RTTN: variants seen among roughly 807,000 people sequenced by gnomAD.
RTTN encodes rotatin.
A neutral mutation model predicts 269.2 loss-of-function variants in RTTN; 182 were observed. The ratio of observed to expected loss-of-function variants is 0.68; its 90% CI spans 0.60 to 0.76. The LOEUF is 0.76. Ranked by LOEUF, RTTN falls within the 30% of genes least tolerant of loss-of-function variation. The probability of loss-of-function intolerance (pLI) is 0.00; values close to 1 mark genes in which losing one functional copy is unlikely to be tolerated. For missense variants in RTTN, 2,545 were observed against 2,608.6 expected (o/e 0.98, Z 0.53); for synonymous variants, 1,006 against 963.5 (o/e 1.04, Z -0.82).
At chr18:70,018,454 A>G (rs1337536238) in intron 45 of RTTN, among the ~76,000 whole-genome samples, 3 of 152,322 alleles carry the variant, frequency 2.0e-5, no homozygotes, top group South Asian at 2.1e-4. Context: ...ATGAAATGCA[A>G]TCACTTAACT....
At chr18:70,165,209 T>C (rs772339979) in intron 14 of RTTN, among the ~76,000 whole-genome samples, 1 of 152,040 alleles carries the variant, frequency 6.6e-6, no homozygotes, top group Non-Finnish European at 1.5e-5. Context: ...TCAAACTTAA[T>C]AGCAGTTAAG....
intron 28 of RTTN, among the ~76,000 whole-genome samples, chr18:70,100,492 G>C (rs1403366905): frequency 3.3e-5 from 5 of 152,180 alleles, no homozygotes; most frequent in Non-Finnish European, 7.3e-5. Context: ...AGACGATGGG[G>C]TTTTCTAAAT....
intron 44 of RTTN, among the ~76,000 whole-genome samples, chr18:70,023,001 G>T (rs1050072099): frequency 6.6e-6 from 1 of 152,166 alleles, no homozygotes; most frequent in Admixed American, 6.5e-5. Context: ...GATGGTCCCA[G>T]TGGCGCCTGC....
intron 14 of RTTN, among the ~76,000 whole-genome samples, chr18:70,159,484 G>C (rs1200666329): frequency 6.6e-6 from 1 of 152,136 alleles, no homozygotes; most frequent in Non-Finnish European, 1.5e-5. Flanking sequence ...ATATGAAGAA[G>C]TTAGAAAGAT....
rs746111227 is a variant in RTTN at position 70,031,043 on chromosome 18, G to A, written c.5542-62C>T. ...ATTTAATCTGGAGCAAAACTGTTGT[G>A]AATAAAGAACATTTTCTACTTAAAA... On this transcript the variant is annotated intron_variant, in intron 40 of 48. Transcript: ENST00000640769. 874 of 1,112,360 alleles carry A rather than the reference G, an allele frequency of 7.9e-4. 1 individual carries two copies. The highest frequency in any genetic ancestry group is 1.0e-3 in the Non-Finnish European group (798 of 760,730). The allele number at this position is 1,112,360 out of a possible 1,614,324, so 68.9% of individuals were successfully genotyped here. A position where few individuals can be genotyped will look rare whatever the true frequency, so the allele number is the denominator to read the frequency against.
chr18:70,093,374 T>G (rs942935083), intron 28 of RTTN, among the ~76,000 whole-genome samples: 2 of 152,206 alleles, frequency 1.3e-5, no homozygotes, highest in Non-Finnish European at 2.9e-5. Flanking sequence ...ATGAATAATT[T>G]GTGCTGGTTT....
Position 70,060,112 on chromosome 18 carries a change from T to C in RTTN, c.4748-70A>G, listed in dbSNP as rs73964489. On this transcript the variant is annotated intron_variant, in intron 35 of 48. Coordinates refer to ENST00000640769, the MANE Select transcript of RTTN (RefSeq NM_173630.4). ...TATGTACAATACTCAAAAGTTCTTA[T>C]AATCATAGGAAAGTTCCTGAAAATG... The C allele has an allele frequency of 0.045, 57,011 of 1,268,002 alleles. 1,609 individuals are homozygous for C. Among genetic ancestry groups the C allele is most frequent in the African/African-American group, 0.1 (6,622 of 65,960 alleles). 78.5% of individuals were successfully genotyped at this position (1,268,002 alleles called of 1,614,324 possible).
intron 3 of RTTN, among the ~76,000 whole-genome samples, chr18:70,203,578 T>G (rs1268935886): frequency 1.3e-5 from 2 of 152,156 alleles, no homozygotes; most frequent in African/African-American, 4.8e-5. Context: ...GTCACACAAC[T>G]AGCAGCAGAA....
intron 12 of RTTN, 105 bp from the exon 13 acceptor site, chr18:70,167,136 G>A (rs2061008473): frequency 8.4e-6 from 6 of 713,124 alleles, no homozygotes; most frequent in Non-Finnish European, 1.2e-5. Flanking sequence ...CAGAGACCAT[G>A]AGACTGTTTA....
intron 32 of RTTN, among the ~76,000 whole-genome samples, chr18:70,076,071 A>G (rs139912013): frequency 2.0e-5 from 3 of 152,174 alleles, no homozygotes; most frequent in African/African-American, 7.2e-5. Context: ...ACACACATGT[A>G]TACATACACA....
At position 70,145,721 on chromosome 18, in the gene RTTN, G is replaced by C. The variant is rs1319967664; in HGVS notation, c.2372C>G (p.Thr791Arg). 1.2e-6 allele frequency: 2 copies of C among 1,613,410 alleles called. No homozygotes were observed. The highest frequency in any genetic ancestry group is 1.1e-5 in the South Asian group (1 of 90,996). ...TCTGGCGTCTATTAGAGGACGCTTT[G>C]TATCAGCCCCTTCTTCACTGGTAAG... ...FHLTSEEGAD[T>R]KRPLIDARVL... Residue 791 changes from threonine to arginine, a missense_variant, in exon 18 of 49, where the codon ACA becomes AGA. Thr to Arg is a moderately conservative substitution (Grantham distance 71). Transcript: ENST00000640769.
chr18:70,131,395 G>A (rs892832238), intron 23 of RTTN: 5 of 150,290 alleles, frequency 3.3e-5, no homozygotes, highest in Admixed American at 6.6e-5. Context: ...AAAAAAAAAA[G>A]AAGAGCAAAT....
chr18:70,101,892 T>C (rs1036751220), intron 28 of RTTN, among the ~76,000 whole-genome samples: 4 of 152,310 alleles, frequency 2.6e-5, no homozygotes, highest in African/African-American at 7.2e-5. Flanking sequence ...CTGTTCTGAG[T>C]GAGTTTCTTA....
At chr18:70,079,696 A>C (rs1396823322) in intron 32 of RTTN, among the ~76,000 whole-genome samples, 1 of 152,162 alleles carries the variant, frequency 6.6e-6, no homozygotes, top group African/African-American at 2.4e-5. Flanking sequence ...GAAAGTAAGA[A>C]AGCTCTTCAA....
intron 38 of RTTN, among the ~76,000 whole-genome samples, chr18:70,052,926 T>A (rs953992048): frequency 1.3e-4 from 20 of 152,188 alleles, no homozygotes; most frequent in African/African-American, 4.8e-4. Context: ...AAACAACTTT[T>A]ATGTAATTAA....
At chr18:70,150,174 G>T in intron 15 of RTTN, 87 bp from the exon 16 acceptor site, 1 of 733,540 alleles carries the variant, frequency 1.4e-6, no homozygotes, top group Non-Finnish European at 2.4e-6. Flanking sequence ...TATAGCATGT[G>T]GAAAGATGCT....
chr18:70,205,141 C>CT lies in RTTN; in HGVS notation c.205dup (p.Ser69LysfsTer5). ...AAATGACCCTACCTTAACCAATCTGCTTAACAGGTTCAGAACCTCTTCCTT... is the reference window on the plus strand; with the variant it reads ...AAATGACCCTACCTTAACCAATCTGCTTTAACAGGTTCAGAACCTCTTCCTT... On this transcript the variant is annotated frameshift_variant, in exon 2 of 49. Coordinates refer to ENST00000640769, the MANE Select transcript of RTTN (RefSeq NM_173630.4). LOFTEE classifies it high-confidence loss of function. 2.5e-6 allele frequency: 4 copies of CT among 1,614,186 alleles called. No individual in the cohort carries two copies. The highest frequency in any genetic ancestry group is 3.4e-6 in the Non-Finnish European group (4 of 1,180,002).
At chr18:70,180,067 A>G (rs2061387571) in intron 10 of RTTN, among the ~76,000 whole-genome samples, 1 of 152,130 alleles carries the variant, frequency 6.6e-6, no homozygotes, top group South Asian at 2.1e-4. Context: ...TCCGATCAGA[A>G]CTATCCATGC....
rs949846528 is a variant in RTTN, at chr18:70,037,655, G to A, written c.5542-6674C>T. On this transcript the variant is annotated intron_variant, in intron 40 of 48. Transcript: ENST00000640769. ...CAGGCCTTGGGCTCTGGGACGTGCT[G>A]ACTTTAGGTATGACCCAGCACATTC... Among the ~76,000 whole-genome samples, 4 of 152,142 alleles carry A rather than the reference G, an allele frequency of 2.6e-5. No homozygotes were observed. In the South Asian group the frequency reaches 8.3e-4, roughly 32 times the overall value.
Sources: allele counts gnomAD v4.1 joint callset (sites outside exome capture counted in the v4.1 genomes callset), GRCh38; gene constraint gnomAD v4.1.1; transcripts MANE v1.5; gene names NCBI Gene and HGNC (gene_info 2026-07-23, HGNC 2026-07-21).